The following CCDC91 variants were observed in gnomAD, a reference collection of about 807,000 sequenced individuals.
CCDC91 encodes coiled-coil domain-containing protein 91.
CCDC91 carries 48 observed loss-of-function variants against 63.2 expected under a neutral mutation model. That is an observed-to-expected ratio of 0.76 (90% CI 0.60 to 0.97). CCDC91 has a LOEUF of 0.97. CCDC91 is among the 50% of genes least tolerant of loss of function. The pLI is 0.00. For missense variants in CCDC91, 500 were observed against 494.6 expected, an observed-to-expected ratio of 1.01 and a Z score of -0.10; for synonymous variants, 167 against 165.8, an observed-to-expected ratio of 1.01 and a Z score of -0.06.
rs186866292 is a variant in CCDC91, at chr12:28,498,137, G to A, written c.1215+13972G>A. On this transcript the variant is annotated intron_variant, in intron 12 of 12. Coordinates refer to ENST00000536442, the MANE Select transcript of CCDC91 (RefSeq NM_018318.5). ...CTTTCTGCATCATTATATAATCATA[G>A]TTAGTAAAAATCTCTTTCACTTCCT... is the stretch of plus-strand genomic sequence containing the variant. 1.5e-3 allele frequency among the ~76,000 whole-genome samples: 226 copies of A among 151,702 alleles called. 1 individual carries two copies. The highest frequency in any genetic ancestry group is 2.3e-3 in the Non-Finnish European group (156 of 67,742).
intron 6 of CCDC91, among the ~76,000 whole-genome samples, chr12:28,308,503 T>C (rs1384396455): frequency 7.9e-5 from 12 of 152,018 alleles, no homozygotes; most frequent in African/African-American, 2.9e-4. Flanking sequence ...TTCTTATCTT[T>C]CCCACACTAA....
intron 7 of CCDC91, among the ~76,000 whole-genome samples, chr12:28,373,487 G>A (rs1364631133): frequency 2.0e-5 from 3 of 152,252 alleles, no homozygotes; most frequent in South Asian, 2.1e-4. Context: ...ATTTTTAGGT[G>A]TAGTCATTTT....
chr12:28,373,473 C>G (rs7309905), intron 7 of CCDC91, among the ~76,000 whole-genome samples: 59,723 of 151,934 alleles, frequency 0.39, 12,257 homozygotes, highest in Middle Eastern at 0.48. Context: ...TGGGGTCTCA[C>G]ATGATTTTTA....
chr12:28,408,166 G>C (rs1218067746), intron 8 of CCDC91, among the ~76,000 whole-genome samples: 4 of 151,908 alleles, frequency 2.6e-5, no homozygotes, highest in African/African-American at 7.3e-5. Flanking sequence ...CCTGGTGTGT[G>C]ACGTTTCCCT....
chr12:28,235,038 T>C (rs1438642978), intron 1 of CCDC91, among the ~76,000 whole-genome samples: 1 of 152,144 alleles, frequency 6.6e-6, no homozygotes, highest in African/African-American at 2.4e-5. Flanking sequence ...TCATGTGCTC[T>C]CTCCACATGG....
chr12:28,500,556 A>G, intron 12 of CCDC91, among the ~76,000 whole-genome samples: 1 of 151,728 alleles, frequency 6.6e-6, no homozygotes, highest in East Asian at 1.9e-4. Flanking sequence ...TAATGATAAG[A>G]TATGAGTCAT....
In CCDC91 at chr12:28,450,165, A is replaced by C. The variant is rs1949729404; in HGVS notation, c.767A>C (p.Gln256Pro). The C allele has an allele frequency of 6.3e-7, 1 of 1,593,062 alleles. No homozygotes were observed. Among genetic ancestry groups the C allele is most frequent in the African/African-American group, 1.4e-5 (1 of 73,446 alleles). Residue 256 changes from glutamine to proline, a missense_variant, in exon 9 of 13, where the codon CAG becomes CCG. Transcript: ENST00000536442. ...KCEELLNAQH[Q>P]RLLEMLDTEK... ...TTTGCTTATCATTCCTTGTAGCATC[A>C]GAGGCTCCTTGAAATGCTAGATACA... is the stretch of plus-strand genomic sequence containing the variant.
chr12:28,497,864 C>T (rs940273638), intron 12 of CCDC91, among the ~76,000 whole-genome samples: 10 of 151,522 alleles, frequency 6.6e-5, no homozygotes, highest in African/African-American at 1.9e-4. Flanking sequence ...AGTACTTATT[C>T]GTTTAAGCTT....
chr12:28,361,499 C>G (rs1450412650), intron 6 of CCDC91, among the ~76,000 whole-genome samples: 1 of 151,948 alleles, frequency 6.6e-6, no homozygotes, highest in Admixed American at 6.6e-5. Context: ...CTTTGGCTTC[C>G]TCTGTCCTAT....
intron 12 of CCDC91, among the ~76,000 whole-genome samples, chr12:28,527,532 G>A (rs1026200447): frequency 6.6e-6 from 1 of 152,188 alleles, no homozygotes; most frequent in Non-Finnish European, 1.5e-5. Flanking sequence ...GACTCTGAGT[G>A]TTCTTAGCTT....
At chr12:28,531,720 T>G (rs1213714196) in intron 12 of CCDC91, among the ~76,000 whole-genome samples, 1 of 152,224 alleles carries the variant, frequency 6.6e-6, no homozygotes, top group African/African-American at 2.4e-5. Flanking sequence ...TAATTGTCTC[T>G]TCTATATTTT....
intron 12 of CCDC91, among the ~76,000 whole-genome samples, chr12:28,510,022 A>G: frequency 6.6e-6 from 1 of 151,842 alleles, no homozygotes; most frequent in East Asian, 1.9e-4. Flanking sequence ...TCAGGCAAGT[A>G]GGGGTACCCA....
chr12:28,480,666 CATAATTAGATAATAT>C (rs1951397534), intron 11 of CCDC91, among the ~76,000 whole-genome samples: 1 of 151,924 alleles, frequency 6.6e-6, no homozygotes, highest in Non-Finnish European at 1.5e-5. Flanking sequence ...TAGAGTAATA[CATAATTAGATAATAT>C]GCATGTATTT....
At chr12:28,403,830 T>C (rs1946775665) in intron 8 of CCDC91, among the ~76,000 whole-genome samples, 1 of 152,156 alleles carries the variant, frequency 6.6e-6, no homozygotes, top group Non-Finnish European at 1.5e-5. Context: ...CGTAGTATTC[T>C]TTTATTTTTC....
At chr12:28,479,327 G>A (rs1394352082) in intron 11 of CCDC91, among the ~76,000 whole-genome samples, 1 of 152,106 alleles carries the variant, frequency 6.6e-6, no homozygotes, top group African/African-American at 2.4e-5. Flanking sequence ...CATGGATGAA[G>A]CTGGTAACCA....
intron 12 of CCDC91, among the ~76,000 whole-genome samples, chr12:28,498,722 CTT>C (rs1222750293): frequency 6.7e-6 from 1 of 149,974 alleles, no homozygotes; most frequent in Non-Finnish European, 1.5e-5. Context: ...GCATAAAACT[CTT>C]TGAAATTATG....
chr12:28,295,469 A>G (rs1023296940), intron 3 of CCDC91, among the ~76,000 whole-genome samples: 1 of 152,116 alleles, frequency 6.6e-6, no homozygotes, highest in Non-Finnish European at 1.5e-5. Flanking sequence ...ATATTAAACT[A>G]CAAACAATGG....
intron 11 of CCDC91, among the ~76,000 whole-genome samples, chr12:28,476,299 A>G (rs1038892650): frequency 2.6e-5 from 4 of 152,170 alleles, no homozygotes; most frequent in Non-Finnish European, 5.9e-5. Flanking sequence ...CAATCAAACT[A>G]GAACTCAGGA....
intron 1 of CCDC91, among the ~76,000 whole-genome samples, chr12:28,192,190 A>T (rs1407174737): frequency 6.6e-6 from 1 of 152,240 alleles, no homozygotes; most frequent in Non-Finnish European, 1.5e-5. Context: ...TGGCATTAAA[A>T]TAGAGAAAAA....
Sources: gnomAD v4.1 joint callset for allele counts (sites outside exome capture counted in the v4.1 genomes callset) on GRCh38, gnomAD v4.1.1 for gene constraint, MANE v1.5 for transcripts, NCBI Gene and HGNC (gene_info 2026-07-23, HGNC 2026-07-21) for gene names.